The following JAZF1 variants were observed in gnomAD, a reference collection of about 807,000 sequenced individuals.
The protein encoded by JAZF1 is juxtaposed with another zinc finger protein 1.
A neutral mutation model predicts 26.4 loss-of-function variants in JAZF1; 8 were observed. The ratio of observed to expected loss-of-function variants is 0.30; its 90% confidence interval spans 0.18 to 0.55. The LOEUF (loss-of-function observed/expected upper bound fraction) is 0.55. Ranked by LOEUF, JAZF1 falls within the 20% of genes least tolerant of loss-of-function variation. JAZF1 has a pLI of 0.94. For missense variants in JAZF1, 199 were observed against 322.0 expected (o/e 0.62, Z 2.92); for synonymous variants, 126 against 122.3 (o/e 1.03, Z -0.20).
chr7:28,021,212 G>A (rs1482445687), intron 1 of JAZF1, among the ~76,000 whole-genome samples: 2 of 152,154 alleles, frequency 1.3e-5, no homozygotes, highest in Admixed American at 6.5e-5. Context: ...AGACTCCCAT[G>A]GGAGAGCAGC....
intron 1 of JAZF1, among the ~76,000 whole-genome samples, chr7:28,174,738 GA>G (rs1341170541): frequency 5.5e-5 from 7 of 126,746 alleles, no homozygotes; most frequent in African/African-American, 1.7e-4. Flanking sequence ...GAGGCTAATG[GA>G]AAAACCAGTG....
At chr7:27,948,156 G>C (rs1784947398) in intron 2 of JAZF1, among the ~76,000 whole-genome samples, 1 of 152,052 alleles carries the variant, frequency 6.6e-6, no homozygotes, top group Non-Finnish European at 1.5e-5. Flanking sequence ...GTCCTGGGGA[G>C]CCTGAAAATC....
intron 2 of JAZF1, among the ~76,000 whole-genome samples, chr7:27,911,140 C>T (rs926979575): frequency 1.3e-4 from 20 of 152,252 alleles, no homozygotes; most frequent in Admixed American, 2.6e-4. Context: ...TAATCCATAG[C>T]GTTTTTAGGT....
At chr7:28,042,133 T>C (rs1048962895) in intron 1 of JAZF1, among the ~76,000 whole-genome samples, 8 of 152,140 alleles carry the variant, frequency 5.3e-5, no homozygotes, top group African/African-American at 1.9e-4. Context: ...GAAGGATCAA[T>C]AGGAGTTCGT....
chr7:27,915,602 A>C (rs1784434568), intron 2 of JAZF1, among the ~76,000 whole-genome samples: 1 of 152,258 alleles, frequency 6.6e-6, no homozygotes, highest in Non-Finnish European at 1.5e-5. Context: ...AATAAGGTGA[A>C]GTGCAAAGTT....
intron 1 of JAZF1, among the ~76,000 whole-genome samples, chr7:28,148,865 G>A (rs1391231790): frequency 1.3e-5 from 2 of 152,240 alleles, no homozygotes; most frequent in African/African-American, 4.8e-5. Flanking sequence ...AATGACACAT[G>A]CAACTCAGGG....
At chr7:28,093,582 T>C (rs1784336169) in intron 1 of JAZF1, among the ~76,000 whole-genome samples, 1 of 152,238 alleles carries the variant, frequency 6.6e-6, no homozygotes, top group African/African-American at 2.4e-5. Context: ...CAATTACCAC[T>C]TACATATGTT....
chr7:27,935,975 G>C (rs1467877563), intron 2 of JAZF1, among the ~76,000 whole-genome samples: 1 of 152,124 alleles, frequency 6.6e-6, no homozygotes, highest in African/African-American at 2.4e-5. Context: ...CAGTGAAGAG[G>C]GTGCTCACTC....
rs78731891 is a variant in JAZF1 at position 28,133,282 on chromosome 7, C to T, written c.115+47181G>A. 3.5e-4 allele frequency among the ~76,000 whole-genome samples: 53 copies of T among 152,196 alleles called. 1 individual carries two copies. The East Asian group carries it at 9.7e-3, about 28-fold the overall frequency. On this transcript the variant is annotated intron_variant, in intron 1 of 4. Transcript: ENST00000283928. ...TGCCCTGAAGGAATGAGAGTTTTGA[C>T]TGAGAATGATTAAAAGAGGAAGAAA...
At chr7:28,129,101 G>A (rs1399090022) in intron 1 of JAZF1, among the ~76,000 whole-genome samples, 1 of 144,492 alleles carries the variant, frequency 6.9e-6, no homozygotes, top group African/African-American at 2.7e-5. Flanking sequence ...CTAAACAGCA[G>A]GAGCTCCCTA....
At chr7:28,089,224 GT>G (rs922940024) in intron 1 of JAZF1, among the ~76,000 whole-genome samples, 38 of 152,232 alleles carry the variant, frequency 2.5e-4, no homozygotes, top group African/African-American at 9.2e-4. Context: ...TAAGAGTGGA[GT>G]CCTTGCCTAT....
Position 27,831,422 on chromosome 7 carries a change from C to CTGGT in JAZF1, c.*1374_*1377dup, listed in dbSNP as rs1782694350. ...CATTTTTTATTGCATTATTAGGCAA[C>CTGGT]TGGTAAACTCTCGTGTTTAAGGAAT... On this transcript the variant is annotated 3_prime_UTR_variant, in exon 5 of 5. Coordinates refer to ENST00000283928, the MANE Select transcript of JAZF1 (RefSeq NM_175061.4). 3 of 228,282 alleles carry CTGGT rather than the reference C, an allele frequency of 1.3e-5. No individual in the cohort carries two copies. In the South Asian group the frequency reaches 5.5e-4, roughly 42 times the overall value. The allele number at this position is 228,282 out of a possible 1,614,324, so 14.1% of individuals were successfully genotyped here. A position where few individuals can be genotyped will look rare whatever the true frequency, so the allele number is the denominator to read the frequency against.
At chr7:27,880,093 C>A (rs1783743771) in intron 3 of JAZF1, among the ~76,000 whole-genome samples, 1 of 152,144 alleles carries the variant, frequency 6.6e-6, no homozygotes, top group South Asian at 2.1e-4. Flanking sequence ...AATTCATTTT[C>A]CAGTTTACCC....
At chr7:28,056,860 G>A (rs1051214368) in intron 1 of JAZF1, among the ~76,000 whole-genome samples, 2 of 152,024 alleles carry the variant, frequency 1.3e-5, no homozygotes, top group Admixed American at 6.6e-5. Context: ...CAGAACCCAC[G>A]CATCTCTTAA....
intron 1 of JAZF1, among the ~76,000 whole-genome samples, chr7:28,064,615 C>T (rs1367263244): frequency 6.6e-6 from 1 of 152,182 alleles, no homozygotes; most frequent in African/African-American, 2.4e-5. Flanking sequence ...ACAGAACTTC[C>T]TCATACTTCA....
chr7:28,103,080 G>C (rs1784499256), intron 1 of JAZF1, among the ~76,000 whole-genome samples: 1 of 152,120 alleles, frequency 6.6e-6, no homozygotes, highest in African/African-American at 2.4e-5. Context: ...GGGATGACCA[G>C]TCCCTTCTCC....
At chr7:28,159,824 T>G (rs1184080119) in intron 1 of JAZF1, among the ~76,000 whole-genome samples, 1 of 151,886 alleles carries the variant, frequency 6.6e-6, no homozygotes, top group Non-Finnish European at 1.5e-5. Flanking sequence ...AAACGGGGAG[T>G]CTAGATTCTC....
intron 1 of JAZF1, among the ~76,000 whole-genome samples, chr7:28,034,469 T>TACACACACAC (rs59979673): frequency 0.16 from 23,665 of 145,172 alleles, 2,344 homozygotes; most frequent in Non-Finnish European, 0.23. Flanking sequence ...AGAAAACTAA[T>TACACACACAC]ACACACACAC....
intron 1 of JAZF1, among the ~76,000 whole-genome samples, chr7:28,026,261 T>C (rs1208353873): frequency 6.6e-6 from 1 of 152,206 alleles, no homozygotes; most frequent in Non-Finnish European, 1.5e-5. Context: ...AGTATTCTTC[T>C]CTAAAGCCCA....
Sources: gnomAD v4.1 joint callset for allele counts (sites outside exome capture counted in the v4.1 genomes callset) on GRCh38, gnomAD v4.1.1 for gene constraint, MANE v1.5 for transcripts, NCBI Gene and HGNC (gene_info 2026-07-23, HGNC 2026-07-21) for gene names.